The following ASIC2 variants were observed in gnomAD, a reference collection of about 807,000 sequenced individuals.
The protein encoded by ASIC2 is acid-sensing ion channel 2.
A neutral mutation model predicts 57.3 loss-of-function variants in ASIC2; 25 were observed. That is an observed-to-expected ratio of 0.44 (90% CI 0.32 to 0.61). The LOEUF is 0.61. ASIC2 is among the 20% of genes least tolerant of loss of function. The pLI, the probability that ASIC2 is intolerant of heterozygous loss-of-function variation, is 0.06. For missense variants in ASIC2, 641 were observed against 738.1 expected, an observed-to-expected ratio of 0.87 and a Z score of 1.52; for synonymous variants, 319 against 307.5, an observed-to-expected ratio of 1.04 and a Z score of -0.39.
rs574236895 is a variant in ASIC2, at chr17:33,799,408, TTTCTTTCTTTCTTTCTTTC to T, written c.555+356551_555+356569del. Among the ~76,000 whole-genome samples the T allele has an allele frequency of 7.1e-3, 450 of 63,020 alleles. 5 individuals carry two copies. Among genetic ancestry groups the T allele is most frequent in the African/African-American group, 0.018 (301 of 17,132 alleles). The allele number at this position is 63,020 out of a possible 152,430, so 41.3% of individuals were successfully genotyped here. A position where few individuals can be genotyped will look rare whatever the true frequency, so the allele number is the denominator to read the frequency against. On this transcript the variant is annotated intron_variant, in intron 1 of 9. Coordinates refer to the ASIC2 transcript ENST00000359872. ...TTTCTTTCTTTCTTTCTTTCTTTTC[TTTCTTTCTTTCTTTCTTTC>T]TTCTTTCTTTCTTTCTTTCTTTCTT...
chr17:33,999,243 A>G (rs557563265), intron 1 of ASIC2, among the ~76,000 whole-genome samples: 2 of 152,154 alleles, frequency 1.3e-5, no homozygotes, highest in South Asian at 4.2e-4. Flanking sequence ...ATTTCAGCCT[A>G]TGTGTGATCT....
rs531226535 is a variant in ASIC2 at position 33,730,334 on chromosome 17, C to G, written c.555+425644G>C. ...CTCCAGAGACTACAGATCTCACATT[C>G]CTGGGATGACAGTGAGGTCTCACTA... is the stretch of plus-strand genomic sequence containing the variant. On this transcript the variant is annotated intron_variant, in intron 1 of 9. Coordinates refer to the ASIC2 transcript ENST00000359872. Among the ~76,000 whole-genome samples the G allele has an allele frequency of 2.0e-3, 307 of 152,272 alleles. 1 individual carries two copies. The highest frequency in any genetic ancestry group is 7.1e-3 in the African/African-American group (295 of 41,540).
At chr17:33,681,178 T>G (rs1337362342) in intron 1 of ASIC2, among the ~76,000 whole-genome samples, 1 of 152,218 alleles carries the variant, frequency 6.6e-6, no homozygotes. Flanking sequence ...AGAAACTGAC[T>G]CCTTTCCCTG....
chr17:33,418,024 A>ATATGTGTGTGTGTG (rs772080220), intron 1 of ASIC2, among the ~76,000 whole-genome samples: 5 of 110,248 alleles, frequency 4.5e-5, no homozygotes, highest in South Asian at 3.0e-4. Context: ...CTCAGCATGT[A>ATATGTGTGTGTGTG]TGTATGTGTG....
chr17:34,099,152 GAGAGAGAGAGAGAAAGAA>G (rs1567820875), intron 1 of ASIC2, among the ~76,000 whole-genome samples: 15 of 13,278 alleles, frequency 1.1e-3, no homozygotes, highest in African/African-American at 4.0e-3. Context: ...GAGACAGAGA[GAGAGAGAGAGAGAAAGAA>G]AGAAAGAAAG....
intron 1 of ASIC2, among the ~76,000 whole-genome samples, chr17:33,636,898 A>AC (rs1202180793): frequency 4.0e-5 from 6 of 151,590 alleles, no homozygotes; most frequent in Non-Finnish European, 8.8e-5. Context: ...CACACACACC[A>AC]CACACCTGTA....
chr17:33,417,493 T>C (rs1028882006), intron 1 of ASIC2, among the ~76,000 whole-genome samples: 25 of 152,246 alleles, frequency 1.6e-4, no homozygotes, highest in Admixed American at 1.6e-3. Context: ...TTCTCCTTAA[T>C]GCCTTTCGGT....
At chr17:33,034,327 T>C (rs1430436269) in intron 3 of ASIC2, among the ~76,000 whole-genome samples, 2 of 152,136 alleles carry the variant, frequency 1.3e-5, no homozygotes, top group Non-Finnish European at 2.9e-5. Flanking sequence ...AACAATACCC[T>C]GTCTCTAGCA....
chr17:34,099,632 AAG>A (rs1280534073), intron 1 of ASIC2, among the ~76,000 whole-genome samples: 2 of 147,220 alleles, frequency 1.4e-5, no homozygotes, highest in Non-Finnish European at 3.0e-5. Flanking sequence ...GAAAAAGAAA[AAG>A]AAAGAAAGAA....
chr17:33,667,774 C>A (rs1230767004), intron 1 of ASIC2, among the ~76,000 whole-genome samples: 3 of 152,196 alleles, frequency 2.0e-5, no homozygotes, highest in African/African-American at 7.2e-5. Context: ...CACTGGGGCT[C>A]ACTGGGCAGA....
intron 1 of ASIC2, among the ~76,000 whole-genome samples, chr17:33,528,051 T>TAAGC (rs142506426): frequency 1.3e-5 from 2 of 152,218 alleles, no homozygotes; most frequent in Non-Finnish European, 2.9e-5. Flanking sequence ...CTCAAACAAT[T>TAAGC]AAGCAATGCA....
chr17:33,016,385 T>A (rs1333308611), intron 8 of ASIC2, among the ~76,000 whole-genome samples: 2 of 152,106 alleles, frequency 1.3e-5, no homozygotes, highest in African/African-American at 2.4e-5. Context: ...GGACCCCCTT[T>A]CTGTGGCTGG....
intron 3 of ASIC2, among the ~76,000 whole-genome samples, chr17:33,043,442 T>C (rs2091937764): frequency 6.6e-6 from 1 of 152,212 alleles, no homozygotes; most frequent in Non-Finnish European, 1.5e-5. Context: ...ACCTGTTGTG[T>C]AGTACAGGTG....
intron 1 of ASIC2, among the ~76,000 whole-genome samples, chr17:33,202,884 C>T (rs369449615): frequency 6.6e-5 from 10 of 152,170 alleles, no homozygotes; most frequent in Middle Eastern, 3.4e-3. Flanking sequence ...TGGATAGGCT[C>T]TGTCTTTGTT....
At chr17:33,960,025 G>A (rs1489652124) in intron 1 of ASIC2, among the ~76,000 whole-genome samples, 1 of 152,236 alleles carries the variant, frequency 6.6e-6, no homozygotes, top group African/African-American at 2.4e-5. Context: ...GTCCAGTGAT[G>A]AGTGTGTGAT....
chr17:33,958,242 C>T (rs1450216253), intron 1 of ASIC2, among the ~76,000 whole-genome samples: 1 of 152,150 alleles, frequency 6.6e-6, no homozygotes, highest in African/African-American at 2.4e-5. Context: ...GTAAGTGGAT[C>T]GACCATTCTG....
intron 3 of ASIC2, among the ~76,000 whole-genome samples, chr17:33,082,971 C>T (rs2092119317): frequency 1.3e-5 from 2 of 152,172 alleles, no homozygotes; most frequent in African/African-American, 2.4e-5. Flanking sequence ...TGACCCCTTT[C>T]ATGAGCTTTT....
intron 1 of ASIC2, among the ~76,000 whole-genome samples, chr17:33,233,399 G>C (rs922828780): frequency 3.3e-5 from 5 of 151,300 alleles, no homozygotes; most frequent in African/African-American, 9.8e-5. Flanking sequence ...CTACACCACC[G>C]TGTGTGTCAC....
intron 1 of ASIC2, among the ~76,000 whole-genome samples, chr17:33,545,007 A>G (rs972097354): frequency 2.0e-5 from 3 of 152,094 alleles, no homozygotes; most frequent in African/African-American, 7.2e-5. Flanking sequence ...GTCTTACTTG[A>G]CTACACTCAT....
Sources: gnomAD v4.1 joint callset for allele counts (sites outside exome capture counted in the v4.1 genomes callset) on GRCh38, gnomAD v4.1.1 for gene constraint, MANE v1.5 for transcripts, NCBI Gene and HGNC (gene_info 2026-07-23, HGNC 2026-07-21) for gene names.